Variants in TUSC3 observed in about 807,000 individuals in gnomAD.
The protein encoded by TUSC3 is dolichyl-diphosphooligosaccharide--protein glycosyltransferase subunit TUSC3.
Under a neutral mutation model 44.8 loss-of-function variants are expected in TUSC3, and 45 were observed. The ratio of observed to expected loss-of-function variants is 1.00; its 90% CI spans 0.79 to 1.29. TUSC3 has a LOEUF of 1.29. Ranked by LOEUF, TUSC3 falls within the 50% of genes most tolerant of loss-of-function variation. The pLI is 0.00. For synonymous variants in TUSC3, 212 were observed against 152.9 expected (o/e 1.39, Z -2.85); for missense variants, 519 against 437.9 (o/e 1.19, Z -1.65).
intron 5 of TUSC3, among the ~76,000 whole-genome samples, chr8:15,672,939 T>C (rs1211800414): frequency 3.3e-5 from 5 of 152,038 alleles, no homozygotes; most frequent in Admixed American, 2.0e-4. Flanking sequence ...ATTGGGCAAG[T>C]TATAGGATAG....
At chr8:15,644,238 C>T (rs970567918) in intron 2 of TUSC3, among the ~76,000 whole-genome samples, 7 of 152,066 alleles carry the variant, frequency 4.6e-5, no homozygotes, top group African/African-American at 1.4e-4. Context: ...AGAACAGTGC[C>T]CTGCAGTTAT....
At chr8:15,530,456 T>G (rs1162538530) in intron 2 of TUSC3, among the ~76,000 whole-genome samples, 1 of 152,190 alleles carries the variant, frequency 6.6e-6, no homozygotes, top group Admixed American at 6.5e-5. Context: ...ATGTATTCAC[T>G]TGTTTCATCT....
At position 15,529,565 on chromosome 8, in the gene TUSC3, A is replaced by G. The variant is rs531116077; in HGVS notation, n.189+46082A>G. Among the ~76,000 whole-genome samples the G allele has an allele frequency of 5.5e-4, 84 of 152,270 alleles. No individual in the cohort carries two copies. In the Middle Eastern group the frequency reaches 0.01, roughly 18 times the overall value. ...ATTTTTAGAAAACAGTCATTATAGA[A>G]AATTTGCTTTAAATAGCCAACTGTT... On this transcript the variant is annotated intron_variant and non_coding_transcript_variant, in intron 2 of 5. Transcript: ENST00000503191.
At chr8:15,794,915 T>C in the TUSC3 span, among the ~76,000 whole-genome samples, 3 of 152,300 alleles carry the variant, frequency 2.0e-5, no homozygotes, top group Non-Finnish European at 4.4e-5. Flanking sequence ...AGTCACAAGA[T>C]ATGGATAAAT....
At chr8:15,818,080 G>A in the TUSC3 span, among the ~76,000 whole-genome samples, 2 of 152,188 alleles carry the variant, frequency 1.3e-5, no homozygotes, top group Non-Finnish European at 2.9e-5. Flanking sequence ...TAGGACCTTG[G>A]AGAAGAGCAG....
At chr8:15,654,849 G>GA (rs1204730700) in intron 3 of TUSC3, among the ~76,000 whole-genome samples, 1 of 152,114 alleles carries the variant, frequency 6.6e-6, no homozygotes, top group African/African-American at 2.4e-5. Context: ...ATAGAGTTCA[G>GA]AAGGTATTAT....
chr8:15,847,900 C>T, the TUSC3 span, among the ~76,000 whole-genome samples: 1 of 151,978 alleles, frequency 6.6e-6, no homozygotes, highest in African/African-American at 2.4e-5. Context: ...ATAATCATAC[C>T]TGTGAGGTTA....
rs1230135767 is a variant in TUSC3 at position 15,737,378 on chromosome 8, A to G, written c.863-6160A>G. On this transcript the variant is annotated intron_variant, in intron 7 of 10. Transcript: ENST00000503731. Reference sequence around the variant, plus strand: ...GAAGGGATTATAATGTTTTGTAAATATATTCGTTACTAATTCTGTAGAATG... The same window carrying G: ...GAAGGGATTATAATGTTTTGTAAATGTATTCGTTACTAATTCTGTAGAATG... Among the ~76,000 whole-genome samples, 4 of 152,276 alleles carry G rather than the reference A, an allele frequency of 2.6e-5. No homozygotes were observed. In the East Asian group the frequency reaches 7.7e-4, roughly 29 times the overall value.
At chr8:15,746,227 A>T (rs1329429323) in intron 8 of TUSC3, among the ~76,000 whole-genome samples, 1 of 152,050 alleles carries the variant, frequency 6.6e-6, no homozygotes, top group Non-Finnish European at 1.5e-5. Flanking sequence ...TAGCAATATG[A>T]TACTCAATTT....
the TUSC3 span, among the ~76,000 whole-genome samples, chr8:15,816,511 C>T: frequency 8.5e-4 from 130 of 152,264 alleles, 1 homozygote; most frequent in Non-Finnish European, 1.4e-3. Context: ...GCATAGGTGA[C>T]TGCCAGCAAT....
At chr8:15,417,964 A>G (rs1332959587) in intron 1 of TUSC3, among the ~76,000 whole-genome samples, 1 of 152,192 alleles carries the variant, frequency 6.6e-6, no homozygotes, top group Non-Finnish European at 1.5e-5. Context: ...AGAAACAATT[A>G]TTAAAACTCT....
chr8:15,502,536 G>A (rs1261027833), intron 2 of TUSC3, among the ~76,000 whole-genome samples: 1 of 152,196 alleles, frequency 6.6e-6, no homozygotes, highest in East Asian at 1.9e-4. Flanking sequence ...TGTCGCCTGG[G>A]CTGGAGTGCA....
chr8:15,705,569 T>C (rs999990332), intron 6 of TUSC3, among the ~76,000 whole-genome samples: 4 of 152,142 alleles, frequency 2.6e-5, no homozygotes, highest in Non-Finnish European at 5.9e-5. Context: ...TTTAAAATGA[T>C]TCTTCACAAA....
the TUSC3 span, among the ~76,000 whole-genome samples, chr8:15,786,941 C>CA: frequency 0.03 from 1,902 of 63,272 alleles, 154 homozygotes; most frequent in African/African-American, 0.09. Flanking sequence ...GAGACTCCAT[C>CA]AAAAAAAAAA....
intron 1 of TUSC3, among the ~76,000 whole-genome samples, chr8:15,421,938 C>G (rs1799743099): frequency 6.6e-6 from 1 of 152,212 alleles, no homozygotes; most frequent in African/African-American, 2.4e-5. Context: ...TTTAAAAAAT[C>G]ACTGCCACTG....
chr8:15,585,894 A>G (rs747812143), intron 1 of TUSC3, among the ~76,000 whole-genome samples: 14 of 152,114 alleles, frequency 9.2e-5, no homozygotes, highest in Admixed American at 7.9e-4. Flanking sequence ...AGCTGCCATA[A>G]TGTGTAAGTA....
chr8:15,637,800 G>A (rs1355029573), intron 2 of TUSC3, among the ~76,000 whole-genome samples: 1 of 152,070 alleles, frequency 6.6e-6, no homozygotes, highest in East Asian at 1.9e-4. Flanking sequence ...AGTTCAGCAA[G>A]CTTATTTTTC....
rs776594414 is a variant in TUSC3, at chr8:15,743,557, G to A, written c.882G>A (p.Gly294=). ...ILVLNAAITM[G]MVLLNEAATS... The stretch of plus-strand genomic sequence containing the variant: ...CTGCAGATGCCGCTATCACCATGGG[G>A]ATGGTTCTTCTAAATGAAGCAGCAA... Residue 294 remains glycine (G), a synonymous_variant, in exon 8 of 11, where the codon GGG becomes GGA. Transcript: ENST00000503731. The A allele has an allele frequency of 2.5e-6, 4 of 1,613,980 alleles. No individual in the cohort carries two copies. Among genetic ancestry groups the A allele is most frequent in the Non-Finnish European group, 2.5e-6 (3 of 1,179,858 alleles).
intron 1 of TUSC3, among the ~76,000 whole-genome samples, chr8:15,555,161 T>C (rs866267315): frequency 2.1e-5 from 2 of 96,338 alleles, no homozygotes; most frequent in African/African-American, 8.5e-5. Flanking sequence ...TTTTTTTTTT[T>C]TGGGGGGGAC....
Sources: gnomAD v4.1 joint callset for allele counts (sites outside exome capture counted in the v4.1 genomes callset) on GRCh38, gnomAD v4.1.1 for gene constraint, MANE v1.5 for transcripts, NCBI Gene and HGNC (gene_info 2026-07-23, HGNC 2026-07-21) for gene names.